The following ABLIM2 variants were observed in gnomAD, a reference collection of about 807,000 sequenced individuals.
ABLIM2 encodes actin binding LIM protein family member 2, also known as actin-binding LIM protein 2.
Under a neutral mutation model 97.7 loss-of-function variants are expected in ABLIM2, and 53 were observed. The observed-to-expected ratio is 0.54, with a 90% CI of 0.44 to 0.68. The LOEUF (loss-of-function observed/expected upper bound fraction) is 0.68. Among genes scored for constraint, ABLIM2 ranks in the 30% least tolerant of loss-of-function variants. The probability of loss-of-function intolerance (pLI) is 0.00; values close to 1 mark genes in which losing one functional copy is unlikely to be tolerated. For synonymous variants in ABLIM2, 361 were observed against 345.8 expected (o/e 1.04, Z -0.49); for missense variants, 835 against 867.2 (o/e 0.96, Z 0.47).
At chr4:8,008,826 A>G (rs1439331832) in intron 15 of ABLIM2, among the ~76,000 whole-genome samples, 1 of 152,190 alleles carries the variant, frequency 6.6e-6, no homozygotes, top group Non-Finnish European at 1.5e-5. Flanking sequence ...TCACAGAACC[A>G]TAACCAAGTC....
At chr4:8,158,594 AGGTGCAG>A in intron 1 of ABLIM2, 79 bp downstream of exon 1, 1 of 1,442,062 alleles carries the variant, frequency 6.9e-7, no homozygotes, top group East Asian at 2.9e-5. Context: ...CCGGCGTTGC[AGGTGCAG>A]CCTCCGAATG....
chr4:7,982,166 A>G (rs901779393), intron 20 of ABLIM2, among the ~76,000 whole-genome samples: 4 of 150,632 alleles, frequency 2.7e-5, no homozygotes, highest in African/African-American at 9.7e-5. Flanking sequence ...AGACTGAGCC[A>G]CCGCCCCTCA....
rs547111022 is a variant in ABLIM2 at position 8,097,146 on chromosome 4, C to T, written c.291G>A (p.Ala97=). 9.3e-6 allele frequency: 15 copies of T among 1,611,358 alleles called. No homozygotes were observed. Among genetic ancestry groups the T allele is most frequent in the South Asian group, 6.6e-5 (6 of 90,462 alleles). ...DQFIEGEVVS[A]LGKTYHPDCF... Reference sequence around the variant, plus strand: ...AGTCGGGGTGGTAGGTCTTGCCCAGCGCCGACACCACCTCACCCTCAATGA... The same window carrying T: ...AGTCGGGGTGGTAGGTCTTGCCCAGTGCCGACACCACCTCACCCTCAATGA... Residue 97 remains alanine, a synonymous_variant, in exon 3 of 21, where the codon GCG becomes GCA. Transcript: ENST00000447017.
Position 8,058,320 on chromosome 4 carries a change from G to A in ABLIM2, c.763+2647C>T, listed in dbSNP as rs1800648608. On this transcript the variant is annotated intron_variant, in intron 7 of 20. Coordinates refer to ENST00000447017, the MANE Select transcript of ABLIM2 (RefSeq NM_001130083.2). The surrounding 1 kb of genome is among the most constrained non-coding windows in gnomAD (Gnocchi z 4.2). ...AGACTCAAGGAACAGGCGACACCGGGGACGAGGCTGTCCTGTCTGACATCA... is the reference window on the plus strand; with the variant it reads ...AGACTCAAGGAACAGGCGACACCGGAGACGAGGCTGTCCTGTCTGACATCA... 6.6e-6 allele frequency among the ~76,000 whole-genome samples: 1 copy of A among 152,244 alleles called. No individual in the cohort carries two copies. The highest frequency in any genetic ancestry group is 2.1e-4 in the South Asian group (1 of 4,832).
intron 8 of ABLIM2, among the ~76,000 whole-genome samples, chr4:8,050,411 G>A (rs539260101): frequency 4.4e-4 from 67 of 152,280 alleles, no homozygotes; most frequent in African/African-American, 1.4e-3. Flanking sequence ...CTTTCCTGGG[G>A]CCAGGTGCTC....
intron 20 of ABLIM2, among the ~76,000 whole-genome samples, chr4:7,978,168 C>T (rs902763458): frequency 3.3e-5 from 5 of 152,120 alleles, no homozygotes; most frequent in East Asian, 1.9e-4. Flanking sequence ...GGGAGGTGGC[C>T]GCTCCTGCAC....
Position 8,082,244 on chromosome 4 carries a change from C to G in ABLIM2, c.455-1442G>C, listed in dbSNP as rs575202386. Among the ~76,000 whole-genome samples the G allele has an allele frequency of 1.7e-4, 26 of 152,284 alleles. No homozygotes were observed. The highest frequency in any genetic ancestry group is 4.6e-4 in the Admixed American group (7 of 15,302). On this transcript the variant is annotated intron_variant, in intron 4 of 20. Coordinates refer to ENST00000447017, the MANE Select transcript of ABLIM2 (RefSeq NM_001130083.2). The surrounding 1 kb of genome is among the most constrained non-coding windows in gnomAD (Gnocchi z 5.6). ...GAAAGAAGGTGGCCCCAGGGCCCGA[C>G]GTGCTGGGTACAAATCCTGGCCCCC...
chr4:8,079,853 T>C (rs560926248), intron 5 of ABLIM2, among the ~76,000 whole-genome samples: 26 of 152,244 alleles, frequency 1.7e-4, no homozygotes, highest in African/African-American at 6.0e-4. Flanking sequence ...TTTGTTCCCA[T>C]TGGGCATTGA....
In ABLIM2 at chr4:8,086,184, G is replaced by A. The variant is rs542015083; in HGVS notation, c.454+1985C>T. 6.6e-5 allele frequency among the ~76,000 whole-genome samples: 10 copies of A among 151,964 alleles called. No individual in the cohort carries two copies. In the East Asian group the frequency reaches 9.7e-4, roughly 15 times the overall value. On this transcript the variant is annotated intron_variant, in intron 4 of 20. Transcript: ENST00000447017. ...TACATTATTAGTTATCTAGGGGTCCGGGGAACATTTGTTCTTTGAAAATGC... is the reference window on the plus strand; with the variant it reads ...TACATTATTAGTTATCTAGGGGTCCAGGGAACATTTGTTCTTTGAAAATGC...
chr4:8,045,216 A>G lies in ABLIM2; in HGVS notation c.848T>C (p.Ile283Thr), dbSNP rs899250159. 1 of 1,613,872 alleles carries G rather than the reference A, an allele frequency of 6.2e-7. No homozygotes were observed. Among genetic ancestry groups the G allele is most frequent in the African/African-American group, 1.3e-5 (1 of 74,946 alleles). The change falls in exon 9 of 21, where the codon ATC becomes ACC. Residue 283 changes from isoleucine to threonine, a missense_variant. Coordinates refer to ENST00000447017, the MANE Select transcript of ABLIM2 (RefSeq NM_001130083.2). ...GGTGCTGGAAGCAGGGACAGAAATG[A>G]TGCTCTCTGAGGAAGTTCTGGTTTC... Reference protein sequence around the residue: ...NKETRTSSESIISVPASSTSG... With the variant: ...NKETRTSSESTISVPASSTSG...
In ABLIM2 at chr4:8,122,389, A is replaced by G. The variant is rs1032231168; in HGVS notation, c.11-15752T>C. The stretch of plus-strand genomic sequence containing the variant: ...AATACCAGATGTGGTGGCTTAAAAG[A>G]CTGACACTTATCTCCCACAGTTCTG... On this transcript the variant is annotated intron_variant, in intron 1 of 20. Coordinates refer to ENST00000447017, the MANE Select transcript of ABLIM2 (RefSeq NM_001130083.2). This position sits in a 1 kb window ranked among gnomAD's most constrained non-coding sequence, Gnocchi z 4.1. Among the ~76,000 whole-genome samples the G allele has an allele frequency of 6.6e-6, 1 of 152,184 alleles. No individual in the cohort carries two copies. Among genetic ancestry groups the G allele is most frequent in the African/African-American group, 2.4e-5 (1 of 41,426 alleles).
Position 8,019,591 on chromosome 4 carries a change from A to G in ABLIM2, c.1423+27T>C. ...TATTGACAGGCATGCGGGGCAAACC[A>G]CAGCAGCGGGAGGAATCCAACCGTA... On this transcript the variant is annotated intron_variant, in intron 14 of 20. Coordinates refer to ENST00000447017, the MANE Select transcript of ABLIM2 (RefSeq NM_001130083.2). The surrounding 1 kb of genome is among the most constrained non-coding windows in gnomAD (Gnocchi z 4.3). The G allele has an allele frequency of 4.4e-6, 7 of 1,602,174 alleles. No homozygotes were observed. The highest frequency in any genetic ancestry group is 6.0e-6 in the Non-Finnish European group (7 of 1,174,564).
At position 8,029,777 on chromosome 4, in the gene ABLIM2, CT is replaced by C; in HGVS notation, c.1048-2del. The C allele has an allele frequency of 6.4e-7, 1 of 1,570,008 alleles. No homozygotes were observed. The highest frequency in any genetic ancestry group is 1.4e-5 in the African/African-American group (1 of 73,968). On this transcript the variant is annotated splice_acceptor_variant, in intron 10 of 20. Coordinates refer to ENST00000447017, the MANE Select transcript of ABLIM2 (RefSeq NM_001130083.2). LOFTEE classifies it high-confidence loss of function. ...TGTAGGACCGGTCATCCTGATCCCC[CT>C]GGGAGGGAAGATGCAGCTTGTGAAC...
intron 14 of ABLIM2, among the ~76,000 whole-genome samples, chr4:8,018,116 C>CA (rs1213239784): frequency 6.6e-6 from 1 of 152,172 alleles, no homozygotes; most frequent in Non-Finnish European, 1.5e-5. Flanking sequence ...TGTTGGATGA[C>CA]AATGAACAAT....
rs567801483 is a variant in ABLIM2, at chr4:8,106,662, C to T, written c.11-25G>A. The T allele has an allele frequency of 9.3e-5, 147 of 1,583,162 alleles. No individual in the cohort carries two copies. In the South Asian group the frequency reaches 9.7e-4, roughly 10 times the overall value. On this transcript the variant is annotated intron_variant, in intron 1 of 20. Coordinates refer to ENST00000447017, the MANE Select transcript of ABLIM2 (RefSeq NM_001130083.2). ...ACTGTTGGGAAAGAGAGAAGAGCAG[C>T]GTTCAAGGGTGGATGTGTGAGGCAC...
intron 12 of ABLIM2, chr4:8,020,674 C>T (rs1773008078): frequency 3.4e-6 from 1 of 293,604 alleles, no homozygotes; most frequent in African/African-American, 2.2e-5. Context: ...GGCCCCTCTT[C>T]CTAATTATCC....
Position 7,976,555 on chromosome 4 carries a change from C to T in ABLIM2, c.1824+6709G>A, listed in dbSNP as rs140771321. On this transcript the variant is annotated intron_variant, in intron 20 of 20. Coordinates refer to ENST00000447017, the MANE Select transcript of ABLIM2 (RefSeq NM_001130083.2). Reference sequence around the variant, plus strand: ...GCTCAGGTCCAGACACCTCAGCTTTCGTATACTTCCTCCAGCAGCTAAGGC... The same window carrying T: ...GCTCAGGTCCAGACACCTCAGCTTTTGTATACTTCCTCCAGCAGCTAAGGC... 2.4e-3 allele frequency among the ~76,000 whole-genome samples: 366 copies of T among 152,298 alleles called. 3 individuals carry two copies. The highest frequency in any genetic ancestry group is 1.0e-3 in the Non-Finnish European group (68 of 68,022).
intron 14 of ABLIM2, among the ~76,000 whole-genome samples, chr4:8,011,945 C>T (rs1288221739): frequency 6.6e-6 from 1 of 152,202 alleles, no homozygotes; most frequent in Non-Finnish European, 1.5e-5. Context: ...CCATGCCAGC[C>T]TGTGTGCATC....
At chr4:7,990,779 C>T (rs113598830) in intron 17 of ABLIM2, among the ~76,000 whole-genome samples, 39 of 152,206 alleles carry the variant, frequency 2.6e-4, no homozygotes, top group African/African-American at 8.7e-4. Context: ...AAAGGCTGGT[C>T]ATGTGAAAGA....
Sources: allele counts gnomAD v4.1 joint callset (sites outside exome capture counted in the v4.1 genomes callset), GRCh38; gene constraint gnomAD v4.1.1; non-coding constraint Gnocchi (gnomAD v3.1); transcripts MANE v1.5; gene names NCBI Gene and HGNC (gene_info 2026-07-23, HGNC 2026-07-21).